GSAP: variants seen among roughly 807,000 people sequenced by gnomAD.
The protein encoded by GSAP is gamma-secretase activating protein.
In GSAP, 118 loss-of-function variants were observed where a neutral mutation model predicts 131.7. The observed-to-expected ratio is 0.90, with a 90% CI of 0.77 to 1.04. The LOEUF (loss-of-function observed/expected upper bound fraction) is 1.04, where lower values mean the gene tolerates loss of function less well. Among genes scored for constraint, GSAP ranks in the 50% least tolerant of loss-of-function variants. The pLI, the probability that GSAP is intolerant of heterozygous loss-of-function variation, is 0.00. For missense variants in GSAP, 1,019 were observed against 1,013.2 expected, an observed-to-expected ratio of 1.01 and a Z score of -0.08; for synonymous variants, 381 against 363.4, an observed-to-expected ratio of 1.05 and a Z score of -0.55.
intron 5 of GSAP, among the ~76,000 whole-genome samples, chr7:77,396,592 T>C (rs1800435316): frequency 6.6e-6 from 1 of 152,170 alleles, no homozygotes. Flanking sequence ...GCAGAATTAA[T>C]CTTTAGTATT....
intron 5 of GSAP, among the ~76,000 whole-genome samples, chr7:77,388,505 CA>C (rs1340029451): frequency 6.6e-6 from 1 of 152,118 alleles, no homozygotes; most frequent in Non-Finnish European, 1.5e-5. Context: ...TCCATGGACA[CA>C]GGCTTCCCCG....
intron 14 of GSAP, 147 bp from the exon 15 acceptor site, chr7:77,355,794 T>TTTTTTTTC (rs1793620466): frequency 1.9e-6 from 1 of 530,824 alleles, no homozygotes; most frequent in Non-Finnish European, 3.3e-6. Context: ...CCCGTTTTTT[T>TTTTTTTTC]TTTTTTTTTT....
intron 1 of GSAP, among the ~76,000 whole-genome samples, chr7:77,407,121 C>T (rs1227857110): frequency 6.6e-6 from 1 of 152,182 alleles, no homozygotes; most frequent in African/African-American, 2.4e-5. Context: ...TCCCATAAGG[C>T]CTGTCAGATA....
At chr7:77,355,794 T>G (rs1381816796) in intron 14 of GSAP, 147 bp from the exon 15 acceptor site, 10 of 530,824 alleles carry the variant, frequency 1.9e-5, no homozygotes, top group South Asian at 6.5e-5. Flanking sequence ...CCCGTTTTTT[T>G]TTTTTTTTTT....
In GSAP at chr7:77,382,602, G is replaced by A; in HGVS notation, c.498C>T (p.Asn166=). ...PHIESHPLPE[N]HLLLISEEKY... ...TCTCTTCTGAAATCAGTAACAGATG[G>A]TTCTCTGGAAGAGGATGACTTTCAA... The change falls in exon 7 of 31, where the codon AAC becomes AAT. Residue 166 remains asparagine (N), a synonymous_variant. Coordinates refer to ENST00000257626, the MANE Select transcript of GSAP (RefSeq NM_017439.4). 1.3e-6 allele frequency: 2 copies of A among 1,572,346 alleles called. No individual in the cohort carries two copies. Among genetic ancestry groups the A allele is most frequent in the Non-Finnish European group, 1.8e-6 (2 of 1,142,150 alleles).
chr7:77,317,754 A>G (rs759722424), intron 26 of GSAP, among the ~76,000 whole-genome samples: 2 of 152,228 alleles, frequency 1.3e-5, no homozygotes, highest in Non-Finnish European at 2.9e-5. Context: ...TCTGTAATGA[A>G]CAAATCTAAA....
chr7:77,361,816 A>G (rs958522644), intron 13 of GSAP, among the ~76,000 whole-genome samples: 12 of 152,174 alleles, frequency 7.9e-5, no homozygotes, highest in African/African-American at 2.7e-4. Flanking sequence ...TAGGCATTTG[A>G]CTGCTTCTCC....
intron 19 of GSAP, among the ~76,000 whole-genome samples, chr7:77,344,104 G>A (rs1358319542): frequency 2.6e-5 from 4 of 152,100 alleles, no homozygotes; most frequent in Non-Finnish European, 4.4e-5. Context: ...TTCCCACAGG[G>A]TCTGCGAAGG....
intron 13 of GSAP, among the ~76,000 whole-genome samples, chr7:77,361,958 T>C (rs1794583813): frequency 6.6e-6 from 1 of 152,176 alleles, no homozygotes; most frequent in Non-Finnish European, 1.5e-5. Context: ...GTAAGTTAAA[T>C]CTATAGATAC....
In GSAP at chr7:77,374,092, C is replaced by T. The variant is rs770264847; in HGVS notation, c.849G>A (p.Leu283=). 6 of 1,580,066 alleles carry T rather than the reference C, an allele frequency of 3.8e-6. No homozygotes were observed. Among genetic ancestry groups the T allele is most frequent in the Admixed American group, 1.7e-5 (1 of 58,386 alleles). The change falls in exon 12 of 31, where the codon CTG becomes CTA. Residue 283 remains leucine, a synonymous_variant. Transcript: ENST00000257626. Reference sequence around the variant, plus strand: ...TACCTGTATGGTTGGTAAAAACACACAGAGTCAGGTGTTTGGAAAATTTAT... The same window carrying T: ...TACCTGTATGGTTGGTAAAAACACATAGAGTCAGGTGTTTGGAAAATTTAT... ...YRDKFSKHLT[L]CVFTNHTGSL...
chr7:77,355,076 G>A, intron 16 of GSAP, 137 bp downstream of exon 16: 1 of 620,096 alleles, frequency 1.6e-6, no homozygotes, highest in Non-Finnish European at 2.8e-6. Context: ...CGCAAAAGAT[G>A]ACGATGTCAG....
At chr7:77,330,591 T>TG (rs376614189) in intron 19 of GSAP, 71,655 of 1,044,634 alleles carry the variant, frequency 0.069, 720 homozygotes, top group African/African-American at 0.094. Context: ...TTTTTTTTTT[T>TG]TTGTCGTTGT....
chr7:77,355,701 C>A, intron 14 of GSAP, 54 bp from the exon 15 acceptor site: 2 of 946,560 alleles, frequency 2.1e-6, no homozygotes, highest in Non-Finnish European at 3.4e-6. Flanking sequence ...TGCACAGGTA[C>A]AGAATGTCAC....
At chr7:77,379,552 C>T (rs546814247) in intron 8 of GSAP, among the ~76,000 whole-genome samples, 32 of 152,210 alleles carry the variant, frequency 2.1e-4, no homozygotes, top group African/African-American at 7.5e-4. Flanking sequence ...CCCACCATCA[C>T]TCTTCCCAGT....
chr7:77,388,918 TG>T (rs1177474640), intron 5 of GSAP, among the ~76,000 whole-genome samples: 1 of 152,108 alleles, frequency 6.6e-6, no homozygotes, highest in Non-Finnish European at 1.5e-5. Context: ...ACAGAACAAA[TG>T]GAAATCCAAT....
intron 1 of GSAP, among the ~76,000 whole-genome samples, chr7:77,409,350 CTT>C (rs1802866498): frequency 6.6e-6 from 1 of 152,102 alleles, no homozygotes; most frequent in African/African-American, 2.4e-5. Context: ...CTAAGTAGGC[CTT>C]CACAATTTAG....
intron 3 of GSAP, among the ~76,000 whole-genome samples, chr7:77,400,497 C>T (rs1488927362): frequency 1.3e-5 from 2 of 152,190 alleles, no homozygotes; most frequent in Non-Finnish European, 2.9e-5. Flanking sequence ...CATAACAAGA[C>T]ACTTCTCTCC....
At chr7:77,321,963 C>T (rs1440587163) in intron 24 of GSAP, among the ~76,000 whole-genome samples, 1 of 152,220 alleles carries the variant, frequency 6.6e-6, no homozygotes, top group East Asian at 1.9e-4. Context: ...AGCACACTGA[C>T]TGGAACTAAT....
chr7:77,375,607 G>A (rs1380609291), intron 10 of GSAP, among the ~76,000 whole-genome samples: 2 of 152,216 alleles, frequency 1.3e-5, no homozygotes, highest in African/African-American at 2.4e-5. Context: ...AACTTTGGGA[G>A]GCCAAGGCAG....
Sources: gnomAD v4.1 joint callset for allele counts (sites outside exome capture counted in the v4.1 genomes callset) on GRCh38, gnomAD v4.1.1 for gene constraint, MANE v1.5 for transcripts, NCBI Gene and HGNC (gene_info 2026-07-23, HGNC 2026-07-21) for gene names.